Variants in SKA2 observed in about 807,000 individuals in gnomAD.
SKA2 encodes spindle and kinetochore associated complex subunit 2, also known as spindle and kinetochore-associated protein 2.
In SKA2, 13 loss-of-function variants were observed where a neutral mutation model predicts 16.9. The ratio of observed to expected loss-of-function variants is 0.77; its 90% CI spans 0.50 to 1.22. SKA2 has a LOEUF of 1.22. Among genes scored for constraint, SKA2 ranks in the 50% most tolerant of loss-of-function variants. The probability of loss-of-function intolerance (pLI) is 0.00; values close to 1 mark genes in which losing one functional copy is unlikely to be tolerated. For synonymous variants in SKA2, 47 were observed against 48.5 expected (o/e 0.97, Z 0.13); for missense variants, 107 against 139.7 (o/e 0.77, Z 1.18).
chr17:59,138,853 A>T (rs949034871), intron 1 of SKA2, among the ~76,000 whole-genome samples: 1 of 152,200 alleles, frequency 6.6e-6, no homozygotes, highest in African/African-American at 2.4e-5. Context: ...GTCACAATAT[A>T]CTGTGTGGTC....
rs768687939 is a variant in SKA2 at position 59,119,383 on chromosome 17, A to G, written c.233T>C (p.Ile78Thr). The stretch of plus-strand genomic sequence containing the variant: ...CATAGTCTTTTTCACAGTAGCACAA[A>G]TGCGGCTCTTACTCTCTTTCTGCTC... ...AVEQKESKSR[I>T]CATVKKTMNM... The change falls in exon 3 of 4, where the codon ATT becomes ACT. Residue 78 changes from isoleucine to threonine, a missense_variant. Coordinates refer to ENST00000330137, the MANE Select transcript of SKA2 (RefSeq NM_182620.4). 1.4e-5 allele frequency: 23 copies of G among 1,613,986 alleles called. No homozygotes were observed. The highest frequency in any genetic ancestry group is 1.9e-5 in the Non-Finnish European group (22 of 1,179,872).
At chr17:59,140,441 C>T (rs1165850481) in intron 1 of SKA2, among the ~76,000 whole-genome samples, 1 of 151,792 alleles carries the variant, frequency 6.6e-6, no homozygotes, top group African/African-American at 2.4e-5. Flanking sequence ...GTTGGCCAGG[C>T]TGGTCTCGAA....
chr17:59,120,930 A>G (rs2046328109), intron 2 of SKA2, among the ~76,000 whole-genome samples: 1 of 152,106 alleles, frequency 6.6e-6, no homozygotes, highest in Non-Finnish European at 1.5e-5. Flanking sequence ...AGGCGGGCAG[A>G]TCATGAGGTC....
chr17:59,117,402 T>G (rs1320501172), intron 3 of SKA2, among the ~76,000 whole-genome samples: 1 of 152,094 alleles, frequency 6.6e-6, no homozygotes, highest in Non-Finnish European at 1.5e-5. Flanking sequence ...TTTTAGTTTA[T>G]TTTAAAATTT....
chr17:59,137,311 C>T (rs1261328062), intron 1 of SKA2, among the ~76,000 whole-genome samples: 1 of 152,202 alleles, frequency 6.6e-6, no homozygotes, highest in Non-Finnish European at 1.5e-5. Context: ...AGCCACCACA[C>T]CCATCCAAAA....
At chr17:59,128,545 G>T (rs963413589) in intron 2 of SKA2, among the ~76,000 whole-genome samples, 2 of 151,176 alleles carry the variant, frequency 1.3e-5, no homozygotes, top group Non-Finnish European at 2.9e-5. Context: ...AGAGTTGCTT[G>T]AACTCGGAAG....
At chr17:59,139,571 AAATCCTGAGCTCACGT>A (rs2046472779) in intron 1 of SKA2, among the ~76,000 whole-genome samples, 2 of 151,910 alleles carry the variant, frequency 1.3e-5, no homozygotes, top group African/African-American at 4.8e-5. Context: ...GCTAGTCTCG[AAATCCTGAGCTCACGT>A]AATCTGCCCG....
chr17:59,144,452 T>C (rs1297914537), intron 1 of SKA2, among the ~76,000 whole-genome samples: 1 of 152,150 alleles, frequency 6.6e-6, no homozygotes, highest in African/African-American at 2.4e-5. Context: ...TAAAGAGATA[T>C]GTGTATACCC....
At position 59,131,391 on chromosome 17, in the gene SKA2, T is replaced by C. The variant is rs9652856; in HGVS notation, c.34-24A>G. 0.3 allele frequency: 438,128 copies of C among 1,482,858 alleles called. 68,899 individuals carry two copies. The highest frequency in any genetic ancestry group is 0.38 in the Middle Eastern group (2,156 of 5,736). The allele number at this position is 1,482,858 out of a possible 1,614,324, so 91.9% of individuals were successfully genotyped here. A position where few individuals can be genotyped will look rare whatever the true frequency, so the allele number is the denominator to read the frequency against. On this transcript the variant is annotated intron_variant, in intron 1 of 3. Coordinates refer to ENST00000330137, the MANE Select transcript of SKA2 (RefSeq NM_182620.4). ...AACTAAAGATCAGCACAAATCATTA[T>C]TGTGTAAACCAAAAGACTAATAGTA...
At position 59,110,788 on chromosome 17, in the gene SKA2, CAAAAAAAAAAAAA is replaced by C. The variant is rs34191476; in HGVS notation, c.*1476_*1488del. Reference sequence around the variant, plus strand: ...TGGGCAACAGAGTGAGACTCCGTCTCAAAAAAAAAAAAAAAAAAAAAAAGGCTTTCTGTTCTTG... The same window carrying C: ...TGGGCAACAGAGTGAGACTCCGTCTCAAAAAAAAAAGGCTTTCTGTTCTTG... On this transcript the variant is annotated 3_prime_UTR_variant, in exon 4 of 4. Transcript: ENST00000330137. 5.6e-5 allele frequency: 3 copies of C among 53,586 alleles called. No individual in the cohort carries two copies. Among genetic ancestry groups the C allele is most frequent in the East Asian group, 6.7e-4 (1 of 1,490 alleles). 3.3% of individuals were successfully genotyped at this position (53,586 alleles called of 1,614,324 possible).
intron 1 of SKA2, among the ~76,000 whole-genome samples, chr17:59,143,213 CTTT>C (rs545027539): frequency 6.8e-6 from 1 of 147,300 alleles, no homozygotes; most frequent in Non-Finnish European, 1.5e-5. Flanking sequence ...AAACTTTTTT[CTTT>C]TTTTTTTGAG....
At chr17:59,154,810 G>A in intron 1 of SKA2, 1 of 815,590 alleles carries the variant, frequency 1.2e-6, no homozygotes, top group Non-Finnish European at 2.0e-6. Context: ...CATCTTTTTT[G>A]GTACAAACAC....
At chr17:59,140,482 G>A (rs886573820) in intron 1 of SKA2, among the ~76,000 whole-genome samples, 11 of 152,134 alleles carry the variant, frequency 7.2e-5, no homozygotes, top group African/African-American at 2.7e-4. Flanking sequence ...GCCTGCCTCA[G>A]CCTCCCAAAG....
In SKA2 at chr17:59,126,696, T is replaced by C. The variant is rs1026220852; in HGVS notation, c.120+4585A>G. On this transcript the variant is annotated intron_variant, in intron 2 of 3. Coordinates refer to ENST00000330137, the MANE Select transcript of SKA2 (RefSeq NM_182620.4). ...TTGAAGTTATTGAATATTACAGGAGTTAAAAAGTCATATTTCCTCAAAAAT... is the reference window on the plus strand; with the variant it reads ...TTGAAGTTATTGAATATTACAGGAGCTAAAAAGTCATATTTCCTCAAAAAT... Among the ~76,000 whole-genome samples the C allele has an allele frequency of 6.5e-4, 98 of 151,918 alleles. 1 individual carries two copies. The highest frequency in any genetic ancestry group is 2.3e-3 in the African/African-American group (97 of 41,432).
chr17:59,149,386 G>A (rs930628487), intron 1 of SKA2, among the ~76,000 whole-genome samples: 1 of 152,072 alleles, frequency 6.6e-6, no homozygotes, highest in African/African-American at 2.4e-5. Context: ...ATGCACACCT[G>A]TAGTTCCAGC....
chr17:59,127,980 G>A (rs2046383040), intron 2 of SKA2, among the ~76,000 whole-genome samples: 1 of 152,110 alleles, frequency 6.6e-6, no homozygotes, highest in Admixed American at 6.6e-5. Context: ...CACTTTGGGA[G>A]GCCGAGGTGG....
intron 3 of SKA2, among the ~76,000 whole-genome samples, chr17:59,114,528 G>A (rs1402702107): frequency 6.6e-6 from 1 of 152,128 alleles, no homozygotes; most frequent in Non-Finnish European, 1.5e-5. Context: ...GAACATAAGA[G>A]TACAGTAAAA....
At chr17:59,151,253 G>A (rs754116652) in intron 1 of SKA2, 3 of 485,552 alleles carry the variant, frequency 6.2e-6, no homozygotes, top group African/African-American at 6.0e-5. Context: ...AAAGCATCTT[G>A]CATCGGTTGA....
intron 1 of SKA2, among the ~76,000 whole-genome samples, chr17:59,134,030 C>T (rs1006231133): frequency 5.3e-5 from 8 of 152,002 alleles, no homozygotes; most frequent in Non-Finnish European, 1.0e-4. Context: ...TGAGATGCCA[C>T]GATTAAATTA....
Sources: gnomAD v4.1 joint callset for allele counts (sites outside exome capture counted in the v4.1 genomes callset) on GRCh38, gnomAD v4.1.1 for gene constraint, MANE v1.5 for transcripts, NCBI Gene and HGNC (gene_info 2026-07-23, HGNC 2026-07-21) for gene names.